Variants in ENKUR observed in about 807,000 individuals in gnomAD.
ENKUR encodes enkurin.
A neutral mutation model predicts 27.6 loss-of-function variants in ENKUR; 19 were observed. That is an observed-to-expected ratio of 0.69 (90% CI 0.48 to 1.01). ENKUR has a LOEUF of 1.01. Among genes scored for constraint, ENKUR ranks in the 50% least tolerant of loss-of-function variants. The pLI is 0.00. For synonymous variants in ENKUR, 117 were observed against 96.9 expected (o/e 1.21, Z -1.22); for missense variants, 312 against 310.5 (o/e 1.00, Z -0.04).
At chr10:25,028,448 G>A (rs1416856157) in intron 2 of ENKUR, among the ~76,000 whole-genome samples, 1 of 152,112 alleles carries the variant, frequency 6.6e-6, no homozygotes. Context: ...CTTTAGATGT[G>A]CCTTGGATCC....
upstream of ENKUR, among the ~76,000 whole-genome samples, chr10:25,017,782 CCTTT>C (rs1236947455): frequency 6.6e-6 from 1 of 152,118 alleles, no homozygotes; most frequent in East Asian, 1.9e-4. Flanking sequence ...TCACTTTGCC[CCTTT>C]CTTTTCGCCC....
chr10:24,998,421 C>T (rs1850114918), intron 2 of ENKUR, among the ~76,000 whole-genome samples: 1 of 144,038 alleles, frequency 6.9e-6, no homozygotes, highest in Non-Finnish European at 1.5e-5. Context: ...GTTGTCCAGG[C>T]TAGAAGGCTG....
intron 3 of ENKUR, among the ~76,000 whole-genome samples, chr10:24,992,917 C>T (rs1304814759): frequency 2.0e-5 from 3 of 152,186 alleles, no homozygotes; most frequent in Admixed American, 6.5e-5. Context: ...CACCTCATTA[C>T]AGCTTAGTAC....
intron 1 of ENKUR, among the ~76,000 whole-genome samples, chr10:25,014,763 C>G (rs1405032838): frequency 2.0e-5 from 3 of 152,136 alleles, no homozygotes; most frequent in Admixed American, 1.3e-4. Flanking sequence ...TCTTTCCAGT[C>G]TCTAGATGTT....
chr10:25,049,942 G>T (rs536248608), intron 2 of ENKUR, among the ~76,000 whole-genome samples: 1 of 152,292 alleles, frequency 6.6e-6, no homozygotes, highest in East Asian at 1.9e-4. Flanking sequence ...ATTGGCTCAT[G>T]GTTCTGCAGG....
chr10:25,039,904 A>C (rs962646415), intron 2 of ENKUR, among the ~76,000 whole-genome samples: 2 of 151,452 alleles, frequency 1.3e-5, no homozygotes, highest in African/African-American at 4.9e-5. Context: ...CATATGTAAC[A>C]AACCTGCACA....
At chr10:25,027,873 A>G (rs959967801) in intron 2 of ENKUR, among the ~76,000 whole-genome samples, 2 of 152,174 alleles carry the variant, frequency 1.3e-5, no homozygotes, top group African/African-American at 4.8e-5. Context: ...AATAAAAAAG[A>G]CATGATTTCT....
At chr10:25,010,388 A>C (rs1850413067) in intron 1 of ENKUR, among the ~76,000 whole-genome samples, 1 of 152,152 alleles carries the variant, frequency 6.6e-6, no homozygotes, top group Non-Finnish European at 1.5e-5. Flanking sequence ...AGTAGTGTTA[A>C]AAGCATTCAG....
chr10:24,996,697 C>T (rs1415479430), intron 2 of ENKUR, among the ~76,000 whole-genome samples: 1 of 152,152 alleles, frequency 6.6e-6, no homozygotes, highest in African/African-American at 2.4e-5. Flanking sequence ...TGACTTTATT[C>T]ATTTCTGCAT....
At position 24,990,525 on chromosome 10, in the gene ENKUR, C is replaced by T; in HGVS notation, c.532G>A (p.Glu178Lys). ...AQEDYDRYIQ[E>K]NLKKAAMKRL... ...TTCATAGCTGCTTTCTTAAGGTTTTCCTGGATATAACGATCATAGTCTTCT... is the reference window on the plus strand; with the variant it reads ...TTCATAGCTGCTTTCTTAAGGTTTTTCTGGATATAACGATCATAGTCTTCT... Residue 178 changes from glutamate (E) to lysine (K), a missense_variant, in exon 4 of 6, where the codon GAA (glutamate) becomes AAA (lysine). Physicochemically the swap from Glu to Lys is moderately conservative, Grantham distance 56. Transcript: ENST00000331161. 1 of 1,614,048 alleles carries T rather than the reference C, an allele frequency of 6.2e-7. No individual in the cohort carries two copies. Among genetic ancestry groups the T allele is most frequent in the Middle Eastern group, 1.7e-4 (1 of 6,060 alleles).
At position 24,988,232 on chromosome 10, in the gene ENKUR, AT is replaced by A. The variant is rs1032236871; in HGVS notation, c.594+2230del. On this transcript the variant is annotated intron_variant, in intron 4 of 5. Transcript: ENST00000331161. ...GAGCAAGACTTCATCTCAAAAAAAAATGTATATATATATATATATGTGTATA... is the reference window on the plus strand; with the variant it reads ...GAGCAAGACTTCATCTCAAAAAAAAAGTATATATATATATATATGTGTATA... 3.4e-5 allele frequency among the ~76,000 whole-genome samples: 5 copies of A among 145,490 alleles called. No homozygotes were observed. The South Asian group carries it at 6.4e-4, about 18-fold the overall frequency.
intron 2 of ENKUR, among the ~76,000 whole-genome samples, chr10:24,998,348 T>C: frequency 1.9e-5 from 2 of 107,608 alleles, no homozygotes; most frequent in Admixed American, 1.1e-4. Context: ...TCTCCCTCCC[T>C]TCCTTCCTTC....
At chr10:25,041,386 T>G (rs905903815) in intron 2 of ENKUR, among the ~76,000 whole-genome samples, 1 of 152,218 alleles carries the variant, frequency 6.6e-6, no homozygotes, top group Non-Finnish European at 1.5e-5. Context: ...GAATTTATCC[T>G]GTTTGGAGTT....
intron 1 of ENKUR, among the ~76,000 whole-genome samples, chr10:25,014,734 A>G (rs1358211003): frequency 6.6e-6 from 1 of 152,240 alleles, no homozygotes; most frequent in Non-Finnish European, 1.5e-5. Context: ...CAACTGTGCC[A>G]TAACTTACTT....
At chr10:25,026,643 AATTAAAG>A (rs1372792991) in intron 2 of ENKUR, 1 of 161,990 alleles carries the variant, frequency 6.2e-6, no homozygotes, top group Non-Finnish European at 1.5e-5. Flanking sequence ...TTTCTTTCTG[AATTAAAG>A]ATTGTCAAGA....
At chr10:25,055,562 A>G (rs1851246137) in intron 2 of ENKUR, among the ~76,000 whole-genome samples, 1 of 151,974 alleles carries the variant, frequency 6.6e-6, no homozygotes, top group African/African-American at 2.4e-5. Flanking sequence ...AAAAAAAAAA[A>G]AAAAAGGGAC....
intron 2 of ENKUR, among the ~76,000 whole-genome samples, chr10:25,037,081 C>G (rs1025071961): frequency 6.6e-6 from 1 of 152,222 alleles, no homozygotes; most frequent in Non-Finnish European, 1.5e-5. Context: ...ATGTGCTGTT[C>G]ACTTTGCCTG....
At chr10:25,027,179 ACC>A (rs1219088469) in intron 2 of ENKUR, among the ~76,000 whole-genome samples, 1 of 150,934 alleles carries the variant, frequency 6.6e-6, no homozygotes, top group Non-Finnish European at 1.5e-5. Flanking sequence ...ACATGGAGAA[ACC>A]CTGTCTCTAC....
At chr10:25,061,843 C>A (rs1851332130) in intron 1 of ENKUR, among the ~76,000 whole-genome samples, 2 of 152,268 alleles carry the variant, frequency 1.3e-5, no homozygotes, top group South Asian at 4.1e-4. Context: ...GTGACTGCTG[C>A]ATCATCAATG....
Sources: gnomAD v4.1 joint callset for allele counts (sites outside exome capture counted in the v4.1 genomes callset) on GRCh38, gnomAD v4.1.1 for gene constraint, MANE v1.5 for transcripts, NCBI Gene and HGNC (gene_info 2026-07-23, HGNC 2026-07-21) for gene names.